Variants in ADGRB1 observed in about 807,000 individuals in gnomAD.
ADGRB1 encodes the protein brain-specific angiogenesis inhibitor 1.
In ADGRB1, 36 loss-of-function variants were observed where a neutral mutation model predicts 175.7. The observed-to-expected ratio is 0.20, with a 90% CI of 0.16 to 0.27. The LOEUF (loss-of-function observed/expected upper bound fraction) is 0.27, where lower values mean the gene tolerates loss of function less well. Among genes scored for constraint, ADGRB1 ranks in the 10% least tolerant of loss-of-function variants. The probability of loss-of-function intolerance (pLI) is 1.00; values close to 1 mark genes in which losing one functional copy is unlikely to be tolerated. For synonymous variants in ADGRB1, 1,054 were observed against 979.4 expected (o/e 1.08, Z -1.42); for missense variants, 1,731 against 2,255.3 (o/e 0.77, Z 4.71).
At position 142,475,989 on chromosome 8, in the gene ADGRB1, G is replaced by T. The variant is rs138765719; in HGVS notation, c.946+354G>T. ...TTGGGGCTGGGTGGGACTAGTTGGG[G>T]CTTTCTTCCGGTTTGTGGATTGGGG... is the stretch of plus-strand genomic sequence containing the variant. On this transcript the variant is annotated intron_variant, in intron 3 of 30. Transcript: ENST00000517894. Among the ~76,000 whole-genome samples, 11 of 150,470 alleles carry T rather than the reference G, an allele frequency of 7.3e-5. No individual in the cohort carries two copies. The East Asian group carries it at 1.9e-3, about 27-fold the overall frequency.
At position 142,504,802 on chromosome 8, in the gene ADGRB1, G is replaced by A. The variant is rs1370416237; in HGVS notation, c.2676-6130G>A. On this transcript the variant is annotated intron_variant, in intron 17 of 30. Coordinates refer to ENST00000517894, the MANE Select transcript of ADGRB1 (RefSeq NM_001702.3). The surrounding 1 kb of genome is among the most constrained non-coding windows in gnomAD (Gnocchi z 5.6). ...AGCCCATTAAGGCTCCTGAGGCCAG[G>A]CCTAGAAGCCGAAGCCTCTGCCTGC... Among the ~76,000 whole-genome samples, 1 of 152,022 alleles carries A rather than the reference G, an allele frequency of 6.6e-6. No homozygotes were observed.
chr8:142,507,053 C>T (rs1842883175), intron 17 of ADGRB1, among the ~76,000 whole-genome samples: 1 of 152,248 alleles, frequency 6.6e-6, no homozygotes, highest in Non-Finnish European at 1.5e-5. Context: ...ATTCCAGGCC[C>T]ACTGCTGTCT....
intron 20 of ADGRB1, 37 bp downstream of exon 20, chr8:142,520,962 A>G (rs1369415183): frequency 6.4e-7 from 1 of 1,558,264 alleles, no homozygotes; most frequent in East Asian, 2.2e-5. Context: ...ACTTCCCAAC[A>G]TCCTCGGGTG....
intron 17 of ADGRB1, among the ~76,000 whole-genome samples, chr8:142,502,404 G>A (rs1490903520): frequency 1.1e-5 from 1 of 88,858 alleles, no homozygotes. Context: ...TGGTGATGGT[G>A]GTGGTGGTGG....
chr8:142,501,518 G>A (rs1414848464), intron 17 of ADGRB1, among the ~76,000 whole-genome samples: 3 of 144,040 alleles, frequency 2.1e-5, no homozygotes, highest in African/African-American at 5.6e-5. Flanking sequence ...TGGTTTTGAC[G>A]ATGGAGGTGG....
intron 17 of ADGRB1, among the ~76,000 whole-genome samples, chr8:142,502,405 G>GGGGTGGTGGTGGTGATGGTGGTGA (rs1842640358): frequency 2.4e-5 from 2 of 83,114 alleles, no homozygotes; most frequent in Non-Finnish European, 5.0e-5. Flanking sequence ...GGTGATGGTG[G>GGGGTGGTGGTGGTGATGGTGGTGA]TGGTGGTGGT....
In ADGRB1 at chr8:142,536,067, G is replaced by A. The variant is rs539660859; in HGVS notation, c.3571-920G>A. ...CAGCATGAAGCAGAGCACTAGGTGA[G>A]GGAACAGGGCCACAGGTCTGTGGTT... On this transcript the variant is annotated intron_variant, in intron 25 of 30. Coordinates refer to ENST00000517894, the MANE Select transcript of ADGRB1 (RefSeq NM_001702.3). Among the ~76,000 whole-genome samples, 16 of 152,226 alleles carry A rather than the reference G, an allele frequency of 1.1e-4. No homozygotes were observed. In the South Asian group the frequency reaches 3.3e-3, roughly 32 times the overall value.
rs994776025 is a variant in ADGRB1 at position 142,474,971 on chromosome 8, G to A, written c.785-503G>A. On this transcript the variant is annotated intron_variant, in intron 2 of 30. Transcript: ENST00000517894. The surrounding 1 kb of genome is among the most constrained non-coding windows in gnomAD (Gnocchi z 5.8). The stretch of plus-strand genomic sequence containing the variant: ...TGCGTGGGGTGAAGAAGCGGCTCCA[G>A]GTCACAGCTGGGGTGTGAAATGTGG... 3.9e-5 allele frequency among the ~76,000 whole-genome samples: 6 copies of A among 152,138 alleles called. No individual in the cohort carries two copies. The highest frequency in any genetic ancestry group is 2.0e-4 in the Admixed American group (3 of 15,286).
At chr8:142,536,503 G>T (rs1844932265) in intron 25 of ADGRB1, among the ~76,000 whole-genome samples, 1 of 152,166 alleles carries the variant, frequency 6.6e-6, no homozygotes, top group African/African-American at 2.4e-5. Flanking sequence ...TTGACAGAGT[G>T]CTGTTCCCAG....
rs541411869 is a variant in ADGRB1 at position 142,453,938 on chromosome 8, G to T, written c.-220+3834G>T. Among the ~76,000 whole-genome samples the T allele has an allele frequency of 1.8e-3, 269 of 152,216 alleles. 1 individual carries two copies. The highest frequency in any genetic ancestry group is 6.8e-3 in the Middle Eastern group (2 of 294). On this transcript the variant is annotated intron_variant, in intron 1 of 30. Coordinates refer to ENST00000517894, the MANE Select transcript of ADGRB1 (RefSeq NM_001702.3). ...AAGGCCCTGGGGCAGGGCATTGTGC[G>T]GGTGTGAGAAATAGACCAGAGCTGG...
chr8:142,509,261 G>A (rs1327995128), intron 17 of ADGRB1, among the ~76,000 whole-genome samples: 2 of 152,200 alleles, frequency 1.3e-5, no homozygotes, highest in Admixed American at 6.5e-5. Context: ...GCCGCTCAGC[G>A]CTGTCCAGAG....
intron 24 of ADGRB1, among the ~76,000 whole-genome samples, chr8:142,531,580 T>C (rs1266228306): frequency 6.6e-6 from 1 of 152,174 alleles, no homozygotes; most frequent in Non-Finnish European, 1.5e-5. Context: ...GCCCATCCTA[T>C]GTCCAAGAGC....
Position 142,544,472 on chromosome 8 carries a change from G to T in ADGRB1, c.*55G>T. The T allele has an allele frequency of 7.1e-7, 1 of 1,414,546 alleles. No homozygotes were observed. Among genetic ancestry groups the T allele is most frequent in the Non-Finnish European group, 9.2e-7 (1 of 1,087,134 alleles). 87.6% of individuals were successfully genotyped at this position (1,414,546 alleles called of 1,614,324 possible). On this transcript the variant is annotated 3_prime_UTR_variant, in exon 31 of 31. Coordinates refer to ENST00000517894, the MANE Select transcript of ADGRB1 (RefSeq NM_001702.3). ...ACGGAGGAGGGATGCTGCTCCGCCC[G>T]CTCCTGCCGCAGACGGGCACAGACA...
chr8:142,513,713 G>A (rs1055832725), intron 18 of ADGRB1, among the ~76,000 whole-genome samples: 41 of 152,298 alleles, frequency 2.7e-4, no homozygotes, highest in African/African-American at 8.4e-4. Flanking sequence ...AGAAGTGCAC[G>A]GGGCTGAGGC....
At chr8:142,529,296 G>A (rs1844442092) in intron 24 of ADGRB1, among the ~76,000 whole-genome samples, 1 of 152,132 alleles carries the variant, frequency 6.6e-6, no homozygotes, top group South Asian at 2.1e-4. Context: ...GTGTACATGA[G>A]TGTGCATTCG....
intron 18 of ADGRB1, among the ~76,000 whole-genome samples, chr8:142,512,424 A>G (rs1026653049): frequency 6.6e-6 from 1 of 152,152 alleles, no homozygotes; most frequent in African/African-American, 2.4e-5. Context: ...TCGAAGCTGG[A>G]CCAGGCAAGG....
chr8:142,452,088 G>A (rs1408286045), intron 1 of ADGRB1, among the ~76,000 whole-genome samples: 2 of 152,182 alleles, frequency 1.3e-5, no homozygotes, highest in African/African-American at 4.8e-5. Flanking sequence ...CCCGGTCCCC[G>A]GAGGCGGACG....
Position 142,464,293 on chromosome 8 carries a change from C to T in ADGRB1, c.95C>T (p.Ala32Val). 4 of 1,377,440 alleles carry T rather than the reference C, an allele frequency of 2.9e-6. No homozygotes were observed. The highest frequency in any genetic ancestry group is 3.1e-5 in the East Asian group (1 of 32,560). 85.3% of individuals were successfully genotyped at this position (1,377,440 alleles called of 1,614,324 possible). A position where few individuals can be genotyped will look rare whatever the true frequency, so the allele number is the denominator to read the frequency against. ...LLLGRRARAA[A>V]GADAGPGPEP... ...CTGGGACGCCGCGCGCGGGCGGCCG[C>T]CGGAGCAGACGCGGGGCCCGGGCCC... is the stretch of plus-strand genomic sequence containing the variant. The change falls in exon 2 of 31, where the codon GCC (alanine) becomes GTC (valine). Residue 32 changes from alanine to valine, a missense_variant. This residue lies in a region of ADGRB1 where 383 missense variants were observed against 383.1 expected (regional missense o/e 1.00). Transcript: ENST00000517894.
intron 17 of ADGRB1, among the ~76,000 whole-genome samples, chr8:142,496,263 G>T (rs1270636787): frequency 6.6e-6 from 1 of 151,740 alleles, no homozygotes; most frequent in East Asian, 1.9e-4. Flanking sequence ...TGGGTGAATA[G>T]ATGGGTGGGT....
Sources: allele counts gnomAD v4.1 joint callset (sites outside exome capture counted in the v4.1 genomes callset), GRCh38; gene constraint gnomAD v4.1.1; regional missense constraint gnomAD v4.1.1; non-coding constraint Gnocchi (gnomAD v3.1); transcripts MANE v1.5; gene names NCBI Gene and HGNC (gene_info 2026-07-23, HGNC 2026-07-21).